SLC7A2: variants seen among roughly 807,000 people sequenced by gnomAD.
SLC7A2 encodes the protein cationic amino acid transporter 2.
In SLC7A2, 48 loss-of-function variants were observed where a neutral mutation model predicts 58.9. That is an observed-to-expected ratio of 0.82 (90% CI 0.65 to 1.04). The LOEUF (loss-of-function observed/expected upper bound fraction) is 1.04. Among genes scored for constraint, SLC7A2 ranks in the 50% least tolerant of loss-of-function variants. SLC7A2 has a pLI of 0.00. For synonymous variants in SLC7A2, 363 were observed against 314.5 expected, an observed-to-expected ratio of 1.15 and a Z score of -1.63; for missense variants, 1,029 against 818.8, an observed-to-expected ratio of 1.26 and a Z score of -3.13.
At chr8:17,542,312 C>A (rs1310252100) in intron 2 of SLC7A2, among the ~76,000 whole-genome samples, 1 of 152,174 alleles carries the variant, frequency 6.6e-6, no homozygotes, top group Non-Finnish European at 1.5e-5. Flanking sequence ...TGTAAGAGAT[C>A]ATTCTACACA....
At chr8:17,496,037 C>G (rs1463659750), upstream of SLC7A2, among the ~76,000 whole-genome samples, 4 of 152,196 alleles carry the variant, frequency 2.6e-5, no homozygotes, top group African/African-American at 4.8e-5. Context: ...GGCAGCAATA[C>G]AAATCTGGCA....
chr8:17,504,707 T>C (rs1249202887), intron 2 of SLC7A2, among the ~76,000 whole-genome samples: 1 of 152,216 alleles, frequency 6.6e-6, no homozygotes, highest in Non-Finnish European at 1.5e-5. Context: ...TAGGTAGAAT[T>C]GTATAATATT....
At chr8:17,561,873 T>C (rs1803006495) in intron 10 of SLC7A2, 71 bp from the exon 11 acceptor site, 1 of 1,410,284 alleles carries the variant, frequency 7.1e-7, no homozygotes, top group Non-Finnish European at 9.9e-7. Context: ...TATCAGAATA[T>C]GCTGTTTTGC....
chr8:17,518,336 T>C (rs1040431458), intron 2 of SLC7A2, among the ~76,000 whole-genome samples: 4 of 152,144 alleles, frequency 2.6e-5, no homozygotes, highest in South Asian at 2.1e-4. Flanking sequence ...TCAGCTAACA[T>C]TGGCTTTTCA....
chr8:17,496,476 T>G (rs1396341139), upstream of SLC7A2, among the ~76,000 whole-genome samples: 3 of 152,174 alleles, frequency 2.0e-5, no homozygotes, highest in Non-Finnish European at 4.4e-5. Flanking sequence ...AATAGCGCAG[T>G]AGGAGAAACC....
chr8:17,557,081 G>A (rs1052032643), intron 8 of SLC7A2, among the ~76,000 whole-genome samples: 3 of 152,144 alleles, frequency 2.0e-5, no homozygotes, highest in African/African-American at 7.2e-5. Flanking sequence ...ACTCACAATT[G>A]CTGAGTTTGG....
intron 5 of SLC7A2, among the ~76,000 whole-genome samples, chr8:17,549,206 C>A (rs1489539035): frequency 6.6e-6 from 1 of 152,242 alleles, no homozygotes; most frequent in Admixed American, 6.5e-5. Context: ...CACATGGGAA[C>A]TGTGGGAGCC....
chr8:17,557,107 A>G (rs1270204442), intron 8 of SLC7A2, among the ~76,000 whole-genome samples: 1 of 152,174 alleles, frequency 6.6e-6, no homozygotes, highest in Non-Finnish European at 1.5e-5. Context: ...AAAATTGTCA[A>G]ATCCAGCCAT....
At chr8:17,559,699 G>T (rs937373037) in intron 9 of SLC7A2, among the ~76,000 whole-genome samples, 1 of 152,234 alleles carries the variant, frequency 6.6e-6, no homozygotes, top group South Asian at 2.1e-4. Flanking sequence ...TCCACGGCAC[G>T]TGGGGATTAT....
chr8:17,544,757 A>T lies in SLC7A2; in HGVS notation c.532+151A>T, dbSNP rs115385839. On this transcript the variant is annotated intron_variant, in intron 4 of 12. Transcript: ENST00000494857. Reference sequence around the variant, plus strand: ...CTGTTAGACATCTGTGGGGTTTATCACTGGCTGGAATCACATTTTAACCTA... The same window carrying T: ...CTGTTAGACATCTGTGGGGTTTATCTCTGGCTGGAATCACATTTTAACCTA... The T allele has an allele frequency of 2.0e-3, 1,376 of 675,050 alleles. 19 individuals are homozygous for T. The highest frequency in any genetic ancestry group is 0.02 in the African/African-American group (1,104 of 55,330). 41.8% of individuals were successfully genotyped at this position (675,050 alleles called of 1,614,324 possible).
intron 9 of SLC7A2, 75 bp from the exon 10 acceptor site, chr8:17,560,253 A>C: frequency 1.9e-6 from 2 of 1,062,530 alleles, no homozygotes; most frequent in Non-Finnish European, 2.9e-6. Context: ...GTCTTACTTA[A>C]GGTTTTAGGT....
intron 2 of SLC7A2, among the ~76,000 whole-genome samples, chr8:17,512,044 G>A (rs917180755): frequency 6.6e-6 from 1 of 152,162 alleles, no homozygotes; most frequent in Non-Finnish European, 1.5e-5. Flanking sequence ...TTGTTCAGTG[G>A]CTATGGAATG....
chr8:17,500,719 G>T (rs1800120441), intron 1 of SLC7A2: 3 of 152,230 alleles, frequency 2.0e-5, no homozygotes, highest in African/African-American at 7.2e-5. Context: ...AATCTGGGAG[G>T]TGGAGGTTTC....
intron 9 of SLC7A2, 87 bp downstream of exon 9, chr8:17,558,484 G>A (rs772589302): frequency 1.2e-5 from 9 of 780,486 alleles, no homozygotes; most frequent in Non-Finnish European, 1.7e-5. Flanking sequence ...CTGGCTTCCA[G>A]GGAGCCAGCA....
chr8:17,520,027 A>G (rs60018073), intron 2 of SLC7A2, among the ~76,000 whole-genome samples: 2,136 of 152,254 alleles, frequency 0.014, 49 homozygotes, highest in African/African-American at 0.047. Context: ...ATTAGTGATG[A>G]TCAGAGTGAA....
At chr8:17,530,730 G>A (rs1226716125) in intron 2 of SLC7A2, among the ~76,000 whole-genome samples, 4 of 151,920 alleles carry the variant, frequency 2.6e-5, no homozygotes, top group Non-Finnish European at 5.9e-5. Context: ...GTGCCACCAT[G>A]CCTGGCTAAT....
chr8:17,502,311 T>A lies in SLC7A2; in HGVS notation c.-23+9T>A, dbSNP rs1470515595. 1 of 152,080 alleles carries A rather than the reference T, an allele frequency of 6.6e-6. No homozygotes were observed. Among genetic ancestry groups the A allele is most frequent in the Non-Finnish European group, 1.5e-5 (1 of 68,022 alleles). 9.4% of individuals were successfully genotyped at this position (152,080 alleles called of 1,614,324 possible). ...GCAGTGAGCCCTTACAGGTTAGTGC[T>A]GATTTCAATCTTGGCTTGCACGTTG... is the stretch of plus-strand genomic sequence containing the variant. On this transcript the variant is annotated intron_variant, in intron 2 of 12. Coordinates refer to ENST00000494857, the MANE Select transcript of SLC7A2 (RefSeq NM_001370338.1).
chr8:17,529,270 A>G (rs1415263228), intron 2 of SLC7A2, among the ~76,000 whole-genome samples: 2 of 152,136 alleles, frequency 1.3e-5, no homozygotes, highest in African/African-American at 2.4e-5. Context: ...ACGTACAACC[A>G]TCTCTTCCCT....
intron 9 of SLC7A2, 65 bp from the exon 10 acceptor site, chr8:17,560,263 T>C (rs1434815644): frequency 1.9e-5 from 23 of 1,231,822 alleles, no homozygotes; most frequent in Non-Finnish European, 2.7e-5. Context: ...AGGTTTTAGG[T>C]GCTGGTTTCA....
Sources: gnomAD v4.1 joint callset for allele counts (sites outside exome capture counted in the v4.1 genomes callset) on GRCh38, gnomAD v4.1.1 for gene constraint, MANE v1.5 for transcripts, NCBI Gene and HGNC (gene_info 2026-07-23, HGNC 2026-07-21) for gene names.